The following SETBP1 variants were observed in gnomAD, a reference collection of about 807,000 sequenced individuals.
SETBP1 encodes the protein SET-binding protein.
In SETBP1, 9 loss-of-function variants were observed where a neutral mutation model predicts 101.0. The observed-to-expected ratio is 0.09, with a 90% CI of 0.05 to 0.16. The LOEUF (loss-of-function observed/expected upper bound fraction) is 0.16, where lower values mean the gene tolerates loss of function less well. Ranked by LOEUF, SETBP1 falls within the 10% of genes least tolerant of loss-of-function variation. The probability of loss-of-function intolerance (pLI) is 1.00; values close to 1 mark genes in which losing one functional copy is unlikely to be tolerated. For missense variants in SETBP1, 1,858 were observed against 2,033.8 expected, an observed-to-expected ratio of 0.91 and a Z score of 1.66; for synonymous variants, 818 against 788.5, an observed-to-expected ratio of 1.04 and a Z score of -0.63.
Position 45,063,540 on chromosome 18 carries a change from C to G in SETBP1, c.4633C>G (p.Pro1545Ala), listed in dbSNP as rs753471483. The G allele has an allele frequency of 1.5e-6, 2 of 1,357,816 alleles. No individual in the cohort carries two copies. The highest frequency in any genetic ancestry group is 3.0e-5 in the African/African-American group (2 of 65,600). 84.1% of individuals were successfully genotyped at this position (1,357,816 alleles called of 1,614,324 possible). The part of the protein sequence containing the change: ...PPPLPPPPPL[P>A]KTPRGGKRKH... ...ACCCCTGCCCCCGCCACCCCCTCTA[C>G]CCAAGACCCCCCGAGGCGGAAAGAG... is the stretch of plus-strand genomic sequence containing the variant. The change falls in exon 6 of 6, where the codon CCC becomes GCC. Residue 1545 changes from proline to alanine, a missense_variant. By Grantham distance (27) the Pro-to-Ala change is conservative. Coordinates refer to ENST00000649279, the MANE Select transcript of SETBP1 (RefSeq NM_015559.3).
chr18:44,934,885 G>A (rs2070923919), intron 3 of SETBP1, among the ~76,000 whole-genome samples: 1 of 152,156 alleles, frequency 6.6e-6, no homozygotes, highest in East Asian at 1.9e-4. Context: ...GTCCACAAGT[G>A]ACACATGCCA....
At position 45,067,230 on chromosome 18, in the gene SETBP1, C is replaced by G. The variant is rs937422925; in HGVS notation, c.*3532C>G. On this transcript the variant is annotated 3_prime_UTR_variant, in exon 6 of 6. Coordinates refer to ENST00000649279, the MANE Select transcript of SETBP1 (RefSeq NM_015559.3). ...TTGCTGGGTCTATAAATATGATAAG[C>G]AAGTGGTGACAGAATTATAGTATAA... The G allele has an allele frequency of 2.6e-5, 4 of 152,180 alleles. No individual in the cohort carries two copies. The highest frequency in any genetic ancestry group is 7.2e-5 in the African/African-American group (3 of 41,434). The allele number at this position is 152,180 out of a possible 1,614,324, so 9.4% of individuals were successfully genotyped here. A position where few individuals can be genotyped will look rare whatever the true frequency, so the allele number is the denominator to read the frequency against.
At chr18:45,059,361 G>T (rs2073856408) in intron 5 of SETBP1, among the ~76,000 whole-genome samples, 1 of 152,178 alleles carries the variant, frequency 6.6e-6, no homozygotes, top group Non-Finnish European at 1.5e-5. Context: ...ATTAATAGTA[G>T]TTACATAATA....
intron 4 of SETBP1, chr18:44,986,184 G>C (rs1229745079): frequency 1.3e-5 from 2 of 152,170 alleles, no homozygotes; most frequent in African/African-American, 4.8e-5. Context: ...AACCTGCCCA[G>C]CATGTTAGAG....
chr18:44,904,922 T>G (rs2070138056), intron 3 of SETBP1, among the ~76,000 whole-genome samples: 1 of 152,198 alleles, frequency 6.6e-6, no homozygotes, highest in Non-Finnish European at 1.5e-5. Flanking sequence ...TGAAACTATC[T>G]CTGGTGGCCA....
chr18:44,971,703 G>C (rs1462287418), intron 4 of SETBP1, among the ~76,000 whole-genome samples: 2 of 152,128 alleles, frequency 1.3e-5, no homozygotes, highest in Admixed American at 6.5e-5. Flanking sequence ...CATATCCTTT[G>C]CCCACTTTTT....
At chr18:44,958,316 C>A (rs1303480638) in intron 4 of SETBP1, among the ~76,000 whole-genome samples, 1 of 152,180 alleles carries the variant, frequency 6.6e-6, no homozygotes. Context: ...TCATCCCATT[C>A]ATCTTTAGCT....
chr18:44,840,057 G>C (rs1295308039), intron 2 of SETBP1, among the ~76,000 whole-genome samples: 1 of 152,212 alleles, frequency 6.6e-6, no homozygotes, highest in African/African-American at 2.4e-5. Flanking sequence ...TTCCCCAGAA[G>C]AGGCCTGTGC....
intron 4 of SETBP1, among the ~76,000 whole-genome samples, chr18:44,982,484 T>C (rs191203430): frequency 1.3e-5 from 2 of 152,352 alleles, no homozygotes; most frequent in East Asian, 3.9e-4. Flanking sequence ...TGCATTTTTT[T>C]CCCTCCTCTT....
At chr18:44,764,462 T>G (rs1037418046) in intron 2 of SETBP1, among the ~76,000 whole-genome samples, 13 of 152,096 alleles carry the variant, frequency 8.5e-5, no homozygotes, top group Non-Finnish European at 1.6e-4. Flanking sequence ...TTCTTCTTTC[T>G]TCGTTCTTCT....
intron 2 of SETBP1, among the ~76,000 whole-genome samples, chr18:44,773,838 A>ATG (rs61649185): frequency 0.02 from 2,675 of 134,262 alleles, 63 homozygotes; most frequent in African/African-American, 0.058. Context: ...CTCTCTGTTT[A>ATG]TGTGTGTGTG....
At chr18:44,964,391 G>A (rs918467081) in intron 4 of SETBP1, among the ~76,000 whole-genome samples, 1 of 152,096 alleles carries the variant, frequency 6.6e-6, no homozygotes, top group African/African-American at 2.4e-5. Context: ...CTCTAAATAT[G>A]TAAGGGACAC....
chr18:44,995,388 A>G (rs887310601), intron 4 of SETBP1, among the ~76,000 whole-genome samples: 8 of 151,854 alleles, frequency 5.3e-5, no homozygotes, highest in Non-Finnish European at 1.0e-4. Context: ...TGATCTGCCC[A>G]CCTCGGCCTC....
chr18:44,972,352 G>A lies in SETBP1; in HGVS notation c.4000+19012G>A, dbSNP rs1272653718. Among the ~76,000 whole-genome samples the A allele has an allele frequency of 2.6e-5, 4 of 152,170 alleles. No individual in the cohort carries two copies. The East Asian group carries it at 5.8e-4, about 22-fold the overall frequency. On this transcript the variant is annotated intron_variant, in intron 4 of 5. Transcript: ENST00000649279. ...TCTTTTGGCTTAGGATTGACTTGGC[G>A]ATGCGGGCTCTTTTTTGGTTGCATA...
chr18:44,797,054 G>T (rs1172126988), intron 2 of SETBP1, among the ~76,000 whole-genome samples: 1 of 152,152 alleles, frequency 6.6e-6, no homozygotes, highest in Non-Finnish European at 1.5e-5. Context: ...ATTAGCTGGG[G>T]CACTGCACCT....
intron 2 of SETBP1, among the ~76,000 whole-genome samples, chr18:44,719,803 T>A (rs1206080292): frequency 6.6e-6 from 1 of 152,186 alleles, no homozygotes; most frequent in Non-Finnish European, 1.5e-5. Flanking sequence ...CTCATCTTAT[T>A]TAACACTGGG....
In SETBP1 at chr18:44,950,024, C is replaced by A. The variant is rs149073567; in HGVS notation, c.684C>A (p.Ser228Arg). The change falls in exon 4 of 6, where the codon AGC becomes AGA. Residue 228 changes from serine to arginine, a missense_variant. Transcript: ENST00000649279. ...NHMDWSTNSD[S>R]GPVTQNCFIS... ...TGGACTGGTCCACCAACTCTGACAG[C>A]GGACCCGTCACTCAGAATTGCTTCA... The A allele has an allele frequency of 6.2e-7, 1 of 1,614,160 alleles. No homozygotes were observed. Among genetic ancestry groups the A allele is most frequent in the East Asian group, 2.2e-5 (1 of 44,888 alleles).
intron 2 of SETBP1, among the ~76,000 whole-genome samples, chr18:44,868,710 GGGAGGAAGGAAGGAAGGA>G: frequency 1.5e-4 from 1 of 6,844 alleles, no homozygotes; most frequent in Non-Finnish European, 3.2e-4. Flanking sequence ...ACGGAAGGAA[GGGAGGAAGGAAGGAAGGA>G]AGGAAGGAAG....
At chr18:44,732,255 T>C (rs894115272) in intron 2 of SETBP1, among the ~76,000 whole-genome samples, 1 of 152,244 alleles carries the variant, frequency 6.6e-6, no homozygotes, top group Admixed American at 6.5e-5. Context: ...ATTCTTGGAA[T>C]TTAGCTTACT....
Sources: gnomAD v4.1 joint callset for allele counts (sites outside exome capture counted in the v4.1 genomes callset) on GRCh38, gnomAD v4.1.1 for gene constraint, MANE v1.5 for transcripts, NCBI Gene and HGNC (gene_info 2026-07-23, HGNC 2026-07-21) for gene names.